The following RBFOX1 variants were observed in gnomAD, a reference collection of about 807,000 sequenced individuals.
RBFOX1 encodes RNA binding protein fox-1 homolog 1.
In RBFOX1, 8 loss-of-function variants were observed where a neutral mutation model predicts 57.7. The observed-to-expected ratio is 0.14, with a 90% CI of 0.08 to 0.25. The LOEUF (loss-of-function observed/expected upper bound fraction) is 0.25, where lower values mean the gene tolerates loss of function less well. Ranked by LOEUF, RBFOX1 falls within the 10% of genes least tolerant of loss-of-function variation. The probability of loss-of-function intolerance (pLI) is 1.00; values close to 1 mark genes in which losing one functional copy is unlikely to be tolerated. For synonymous variants in RBFOX1, 326 were observed against 222.4 expected (o/e 1.47, Z -4.15); for missense variants, 611 against 548.5 (o/e 1.11, Z -1.14).
At chr16:6,715,635 C>G (rs944787304) in intron 3 of RBFOX1, among the ~76,000 whole-genome samples, 1 of 152,144 alleles carries the variant, frequency 6.6e-6, no homozygotes, top group African/African-American at 2.4e-5. Flanking sequence ...CTGGCCTCAT[C>G]TCCTATCCGG....
rs984782092 is a variant in RBFOX1 at position 5,943,358 on chromosome 16, C to T, written c.351+76023C>T. Reference sequence around the variant, plus strand: ...GAATTTGAGAATCATGGGGCTAAACCGTTGATACCAAGCCTTGTAGGGTTT... The same window carrying T: ...GAATTTGAGAATCATGGGGCTAAACTGTTGATACCAAGCCTTGTAGGGTTT... On this transcript the variant is annotated intron_variant, in intron 4 of 19. Coordinates refer to the RBFOX1 transcript ENST00000641259. Among the ~76,000 whole-genome samples the T allele has an allele frequency of 3.9e-5, 6 of 152,170 alleles. No individual in the cohort carries two copies. In the East Asian group the frequency reaches 5.8e-4, roughly 15 times the overall value.
intron 4 of RBFOX1, among the ~76,000 whole-genome samples, chr16:7,478,510 A>T (rs1321072422): frequency 6.6e-6 from 1 of 152,110 alleles, no homozygotes; most frequent in Non-Finnish European, 1.5e-5. Context: ...AGAGAGGGGG[A>T]GTCCCTGGTA....
intron 2 of RBFOX1, among the ~76,000 whole-genome samples, chr16:5,479,556 C>G (rs576799992): frequency 6.6e-6 from 1 of 152,154 alleles, no homozygotes; most frequent in African/African-American, 2.4e-5. Context: ...GTCAGGAGTT[C>G]CAGACCAGCC....
chr16:7,190,809 G>C (rs1191787094), intron 4 of RBFOX1, among the ~76,000 whole-genome samples: 1 of 152,128 alleles, frequency 6.6e-6, no homozygotes, highest in Non-Finnish European at 1.5e-5. Context: ...AGTCATTTTT[G>C]GTAACAGTTA....
intron 2 of RBFOX1, among the ~76,000 whole-genome samples, chr16:6,600,085 C>T (rs2154005411): frequency 6.6e-6 from 1 of 152,268 alleles, no homozygotes; most frequent in South Asian, 2.1e-4. Flanking sequence ...GTTAGGGAAG[C>T]ATTCATGGGT....
intron 3 of RBFOX1, among the ~76,000 whole-genome samples, chr16:7,036,429 G>A (rs987773820): frequency 1.3e-5 from 2 of 152,000 alleles, no homozygotes; most frequent in Non-Finnish European, 2.9e-5. Flanking sequence ...AATTCAGGGC[G>A]GCCGGGCGTG....
At chr16:6,043,118 C>CCGAAAAA (rs2095456683) in intron 1 of RBFOX1, among the ~76,000 whole-genome samples, 2 of 37,752 alleles carry the variant, frequency 5.3e-5, no homozygotes, top group African/African-American at 1.9e-4. Context: ...ATTGTGTTTC[C>CCGAAAAA]AGAAAAAAAA....
At chr16:5,881,769 G>T (rs1382370312) in intron 4 of RBFOX1, among the ~76,000 whole-genome samples, 2 of 152,086 alleles carry the variant, frequency 1.3e-5, no homozygotes, top group Non-Finnish European at 2.9e-5. Flanking sequence ...GACTTCATAC[G>T]CACTATTTCA....
At chr16:5,728,856 C>T (rs2052252617) in intron 3 of RBFOX1, among the ~76,000 whole-genome samples, 1 of 152,176 alleles carries the variant, frequency 6.6e-6, no homozygotes, top group Non-Finnish European at 1.5e-5. Context: ...TTAAGTCTGC[C>T]CATCCAGGCC....
chr16:6,304,027 G>A (rs559387972), intron 1 of RBFOX1, among the ~76,000 whole-genome samples: 12 of 151,282 alleles, frequency 7.9e-5, no homozygotes, highest in South Asian at 2.1e-4. Context: ...GATCAGGCTC[G>A]TCTTGAACTC....
chr16:6,740,240 T>A (rs751914661), intron 3 of RBFOX1, among the ~76,000 whole-genome samples: 8 of 151,792 alleles, frequency 5.3e-5, no homozygotes, highest in Non-Finnish European at 1.2e-4. Flanking sequence ...CAGAAAAAAA[T>A]AAGAATCGAT....
chr16:6,861,145 C>T (rs115693228), intron 3 of RBFOX1, among the ~76,000 whole-genome samples: 5 of 151,994 alleles, frequency 3.3e-5, no homozygotes, highest in African/African-American at 4.8e-5. Context: ...CAGCATCTTC[C>T]GTATTTTTTA....
chr16:6,066,058 G>C (rs1479093805), intron 1 of RBFOX1, among the ~76,000 whole-genome samples: 1 of 152,110 alleles, frequency 6.6e-6, no homozygotes, highest in Non-Finnish European at 1.5e-5. Context: ...CACTTTGGGA[G>C]GCCGAGGAGG....
chr16:7,330,256 T>C (rs770272265), intron 4 of RBFOX1, among the ~76,000 whole-genome samples: 36 of 152,248 alleles, frequency 2.4e-4, no homozygotes, highest in Non-Finnish European at 5.1e-4. Flanking sequence ...CCCGTATACA[T>C]ATTAAATCGT....
At chr16:5,784,568 C>T (rs1380458171) in intron 3 of RBFOX1, among the ~76,000 whole-genome samples, 1 of 152,160 alleles carries the variant, frequency 6.6e-6, no homozygotes, top group Non-Finnish European at 1.5e-5. Context: ...TGGGATGGTG[C>T]TAAACTCTTC....
chr16:7,222,395 T>C lies in RBFOX1; in HGVS notation c.27+170297T>C, dbSNP rs115534920. Among the ~76,000 whole-genome samples the C allele has an allele frequency of 3.4e-3, 517 of 152,314 alleles. 6 individuals are homozygous for C. The highest frequency in any genetic ancestry group is 0.011 in the African/African-American group (477 of 41,558). On this transcript the variant is annotated intron_variant, in intron 4 of 15. Transcript: ENST00000550418. ...GAATACATTCCTCAGCAACTAGAGT[T>C]TTCTCATTCATTCTTACTGAACTGT...
intron 4 of RBFOX1, among the ~76,000 whole-genome samples, chr16:5,936,339 G>T (rs919822124): frequency 3.9e-5 from 6 of 152,160 alleles, no homozygotes; most frequent in African/African-American, 1.4e-4. Flanking sequence ...CACCAGACTG[G>T]TCTCAAATGC....
intron 1 of RBFOX1, among the ~76,000 whole-genome samples, chr16:5,316,212 C>T (rs992403875): frequency 2.0e-5 from 3 of 152,240 alleles, no homozygotes; most frequent in Non-Finnish European, 4.4e-5. Context: ...TCGAGCACAA[C>T]TTCCCTCAGA....
intron 2 of RBFOX1, among the ~76,000 whole-genome samples, chr16:6,361,628 T>TTAAAAAAAA (rs1371587081): frequency 7.8e-6 from 1 of 127,932 alleles, no homozygotes; most frequent in African/African-American, 2.9e-5. Context: ...ACTCTGTCTC[T>TTAAAAAAAA]AAAAAAAAAA....
Sources: allele counts gnomAD v4.1 joint callset (sites outside exome capture counted in the v4.1 genomes callset), GRCh38; gene constraint gnomAD v4.1.1; transcripts MANE v1.5; gene names NCBI Gene and HGNC (gene_info 2026-07-23, HGNC 2026-07-21).